Variants in PKP4 observed in about 807,000 individuals in gnomAD.
PKP4 encodes plakophilin 4.
PKP4 carries 90 observed loss-of-function variants against 145.1 expected under a neutral mutation model. The observed-to-expected ratio is 0.62, with a 90% CI of 0.52 to 0.74. PKP4 has a LOEUF of 0.74. Among genes scored for constraint, PKP4 ranks in the 30% least tolerant of loss-of-function variants. PKP4 has a pLI of 0.00. For synonymous variants in PKP4, 563 were observed against 577.2 expected, an observed-to-expected ratio of 0.98 and a Z score of 0.35; for missense variants, 1,340 against 1,482.7, an observed-to-expected ratio of 0.90 and a Z score of 1.58.
chr2:158,606,075 TG>T (rs1285335600), intron 4 of PKP4, among the ~76,000 whole-genome samples: 3 of 152,248 alleles, frequency 2.0e-5, no homozygotes, highest in Non-Finnish European at 4.4e-5. Context: ...TATGACCATT[TG>T]TATAAAAGTT....
chr2:158,653,473 T>A (rs866963959), intron 11 of PKP4, among the ~76,000 whole-genome samples: 1 of 152,234 alleles, frequency 6.6e-6, no homozygotes, highest in Non-Finnish European at 1.5e-5. Flanking sequence ...TGAACTTTCA[T>A]TTCTCATGGC....
chr2:158,642,167 G>A (rs554529051), intron 10 of PKP4, among the ~76,000 whole-genome samples: 44 of 152,252 alleles, frequency 2.9e-4, no homozygotes, highest in African/African-American at 9.9e-4. Flanking sequence ...GATTACAGGC[G>A]TGTGCCTCAA....
intron 6 of PKP4, among the ~76,000 whole-genome samples, chr2:158,623,848 C>A (rs1271979056): frequency 6.6e-6 from 1 of 152,152 alleles, no homozygotes; most frequent in Non-Finnish European, 1.5e-5. Context: ...AACCTGGATC[C>A]CTAATGTCTT....
chr2:158,665,119 G>A (rs1558980092), intron 15 of PKP4, among the ~76,000 whole-genome samples: 3 of 152,292 alleles, frequency 2.0e-5, no homozygotes, highest in Admixed American at 1.3e-4. Context: ...AGATAATCGT[G>A]GCCACAGATG....
rs938490160 is a variant in PKP4, at chr2:158,680,766, T to C, written c.*89T>C. ...CATCTTGCTGATTTGATGATTGAAA[T>C]GTGAAAGTGAAGTGGAAGGAATGAA... is the stretch of plus-strand genomic sequence containing the variant. On this transcript the variant is annotated 3_prime_UTR_variant, in exon 22 of 22. Transcript: ENST00000389759. 10 of 1,193,092 alleles carry C rather than the reference T, an allele frequency of 8.4e-6. No homozygotes were observed. The South Asian group carries it at 1.4e-4, about 17-fold the overall frequency. 73.9% of individuals were successfully genotyped at this position (1,193,092 alleles called of 1,614,324 possible).
chr2:158,562,401 A>G (rs1390591294), intron 2 of PKP4, among the ~76,000 whole-genome samples: 1 of 152,236 alleles, frequency 6.6e-6, no homozygotes, highest in Non-Finnish European at 1.5e-5. Context: ...GACAAATAGT[A>G]TATACATAAT....
intron 4 of PKP4, among the ~76,000 whole-genome samples, chr2:158,619,888 G>A (rs2052027514): frequency 6.6e-6 from 1 of 152,108 alleles, no homozygotes; most frequent in South Asian, 2.1e-4. Context: ...CTACTTAGAT[G>A]TTACTTCCTT....
chr2:158,559,122 G>C (rs1277696124), intron 2 of PKP4, among the ~76,000 whole-genome samples: 1 of 152,170 alleles, frequency 6.6e-6, no homozygotes, highest in Non-Finnish European at 1.5e-5. Context: ...TGAGTTGTAA[G>C]GATCCTAGGA....
intron 2 of PKP4, among the ~76,000 whole-genome samples, chr2:158,535,291 T>A (rs1204125979): frequency 1.3e-5 from 2 of 152,226 alleles, no homozygotes; most frequent in Non-Finnish European, 2.9e-5. Context: ...ACCTTATATG[T>A]TTGATTTTAA....
rs2056748748 is a variant in PKP4 at position 158,663,001 on chromosome 2, A to G, written c.2316A>G (p.Leu772=). Residue 772 remains leucine, a synonymous_variant, in exon 14 of 22, where the codon CTA becomes CTG. Transcript: ENST00000389759. ...GACTGAACGAATTGGATGACTTACT[A>G]GGAAAAGAGTCTCCCAGCAAAGACT... ...LLGLNELDDL[L]GKESPSKDSE... The G allele has an allele frequency of 1.2e-6, 2 of 1,613,940 alleles. No individual in the cohort carries two copies. Among genetic ancestry groups the G allele is most frequent in the Non-Finnish European group, 1.7e-6 (2 of 1,179,988 alleles).
intron 11 of PKP4, among the ~76,000 whole-genome samples, chr2:158,644,008 C>A (rs573214662): frequency 1.3e-5 from 2 of 152,104 alleles, no homozygotes; most frequent in Admixed American, 6.5e-5. Flanking sequence ...TCAGGTGATC[C>A]GCCCGCCTCA....
At chr2:158,541,196 C>T (rs1395230097) in intron 2 of PKP4, among the ~76,000 whole-genome samples, 10 of 152,200 alleles carry the variant, frequency 6.6e-5, no homozygotes, top group Non-Finnish European at 1.3e-4. Flanking sequence ...CAAAACATAG[C>T]CTATCCAGTG....
chr2:158,554,435 T>TA (rs2045906164), intron 2 of PKP4, among the ~76,000 whole-genome samples: 1 of 147,532 alleles, frequency 6.8e-6, no homozygotes, highest in African/African-American at 2.6e-5. Flanking sequence ...TATTATTTTT[T>TA]TTTTTTTTGA....
intron 17 of PKP4, among the ~76,000 whole-genome samples, chr2:158,671,104 T>G (rs1448307145): frequency 6.6e-6 from 1 of 152,160 alleles, no homozygotes; most frequent in Admixed American, 6.5e-5. Context: ...GATTTTTATT[T>G]CGGTTCACTG....
At chr2:158,522,903 G>A (rs1012887314) in intron 1 of PKP4, among the ~76,000 whole-genome samples, 2 of 152,186 alleles carry the variant, frequency 1.3e-5, no homozygotes, top group African/African-American at 2.4e-5. Context: ...ACTCCCACCC[G>A]AATACTGCCC....
chr2:158,575,010 A>T (rs184750774), intron 2 of PKP4, among the ~76,000 whole-genome samples: 1 of 152,360 alleles, frequency 6.6e-6, no homozygotes, highest in African/African-American at 2.4e-5. Flanking sequence ...ATGGCTAATT[A>T]AGCAGAAAAG....
chr2:158,592,532 A>G (rs1293947527), intron 3 of PKP4, among the ~76,000 whole-genome samples: 1 of 152,126 alleles, frequency 6.6e-6, no homozygotes, highest in Non-Finnish European at 1.5e-5. Context: ...AAAGCAAGGC[A>G]GAAATTTAAC....
chr2:158,527,052 C>T (rs1467008084), intron 1 of PKP4, among the ~76,000 whole-genome samples: 1 of 124,618 alleles, frequency 8.0e-6, no homozygotes, highest in Non-Finnish European at 1.7e-5. Flanking sequence ...TGAAAATGGC[C>T]ATACTGCCCA....
intron 1 of PKP4, among the ~76,000 whole-genome samples, chr2:158,463,898 A>G (rs1690176801): frequency 6.6e-6 from 1 of 152,130 alleles, no homozygotes; most frequent in Non-Finnish European, 1.5e-5. Flanking sequence ...CTTGTGCGGT[A>G]GTGGTGAAGT....
Sources: gnomAD v4.1 joint callset for allele counts (sites outside exome capture counted in the v4.1 genomes callset) on GRCh38, gnomAD v4.1.1 for gene constraint, MANE v1.5 for transcripts, NCBI Gene and HGNC (gene_info 2026-07-23, HGNC 2026-07-21) for gene names.